PHACTR1: variants seen among roughly 807,000 people sequenced by gnomAD.
PHACTR1 encodes phosphatase and actin regulator 1, also known as RPEL repeat containing 1.
Under a neutral mutation model 69.2 loss-of-function variants are expected in PHACTR1, and 16 were observed. That is an observed-to-expected ratio of 0.23 (90% CI 0.16 to 0.35). PHACTR1 has a LOEUF of 0.35. Among genes scored for constraint, PHACTR1 ranks in the 10% least tolerant of loss-of-function variants. The pLI, the probability that PHACTR1 is intolerant of heterozygous loss-of-function variation, is 1.00. For synonymous variants in PHACTR1, 312 were observed against 284.5 expected, an observed-to-expected ratio of 1.10 and a Z score of -0.97; for missense variants, 510 against 734.7, an observed-to-expected ratio of 0.69 and a Z score of 3.54.
intron 4 of PHACTR1, among the ~76,000 whole-genome samples, chr6:12,885,794 A>C (rs1271542201): frequency 6.6e-6 from 1 of 152,168 alleles, no homozygotes; most frequent in African/African-American, 2.4e-5. Context: ...ACAATTGTCC[A>C]TTTAAACCCT....
chr6:13,145,168 T>G (rs539678848), intron 5 of PHACTR1, among the ~76,000 whole-genome samples: 1 of 152,348 alleles, frequency 6.6e-6, no homozygotes, highest in East Asian at 1.9e-4. Flanking sequence ...GGCATCAGAA[T>G]CAACAGAAAA....
chr6:12,818,059 G>A (rs186061980), intron 4 of PHACTR1, among the ~76,000 whole-genome samples: 17 of 152,182 alleles, frequency 1.1e-4, no homozygotes, highest in East Asian at 9.7e-4. Flanking sequence ...TCCTGACCTC[G>A]TGATCCACCT....
At chr6:13,147,679 T>TA (rs1459538884) in intron 5 of PHACTR1, among the ~76,000 whole-genome samples, 2 of 152,200 alleles carry the variant, frequency 1.3e-5, no homozygotes, top group Admixed American at 6.5e-5. Context: ...TAACAGGAGT[T>TA]AGTTTACTGG....
intron 4 of PHACTR1, among the ~76,000 whole-genome samples, chr6:12,823,870 C>G (rs1481307612): frequency 6.6e-6 from 1 of 152,174 alleles, no homozygotes; most frequent in East Asian, 1.9e-4. Flanking sequence ...TTCACTGCTT[C>G]TTTGGGGTGT....
intron 4 of PHACTR1, among the ~76,000 whole-genome samples, chr6:12,807,460 C>T (rs1774473873): frequency 6.6e-6 from 1 of 152,002 alleles, no homozygotes; most frequent in Non-Finnish European, 1.5e-5. Flanking sequence ...GGAGTTGATT[C>T]TCCATGTTAA....
intron 12 of PHACTR1, chr6:13,281,027 C>G (rs1290513199): frequency 7.8e-7 from 1 of 1,289,586 alleles, no homozygotes; most frequent in South Asian, 1.2e-5. Flanking sequence ...CTCGCTCATT[C>G]CCTCTGAGCA....
At chr6:13,279,054 CT>C (rs200389514) in intron 12 of PHACTR1, among the ~76,000 whole-genome samples, 2,361 of 149,252 alleles carry the variant, frequency 0.016, 74 homozygotes, top group African/African-American at 0.054. Flanking sequence ...TTTGCTCCCC[CT>C]GACACTATTC....
intron 11 of PHACTR1, among the ~76,000 whole-genome samples, chr6:13,277,851 G>A (rs972410758): frequency 2.0e-5 from 3 of 151,704 alleles, no homozygotes; most frequent in South Asian, 2.1e-4. Context: ...TTGGGAGGCC[G>A]AAGTAGGAGA....
intron 4 of PHACTR1, among the ~76,000 whole-genome samples, chr6:12,993,587 C>T (rs1386069129): frequency 2.0e-5 from 3 of 152,260 alleles, no homozygotes; most frequent in East Asian, 1.9e-4. Context: ...GAAGCCTCCT[C>T]GAAGTCCTGC....
intron 6 of PHACTR1, 88 bp from the exon 7 acceptor site, chr6:13,182,431 A>T: frequency 7.1e-7 from 1 of 1,401,890 alleles, no homozygotes; most frequent in Non-Finnish European, 1.0e-6. Flanking sequence ...ATTGTTCAGC[A>T]GCATCTAGAC....
At chr6:12,954,551 A>G (rs1463925369) in intron 4 of PHACTR1, among the ~76,000 whole-genome samples, 1 of 152,032 alleles carries the variant, frequency 6.6e-6, no homozygotes, top group African/African-American at 2.4e-5. Flanking sequence ...GGAAATGGGC[A>G]GAGAGAGAGG....
chr6:12,938,896 G>A (rs141037419), intron 4 of PHACTR1, among the ~76,000 whole-genome samples: 205 of 152,118 alleles, frequency 1.3e-3, no homozygotes, highest in East Asian at 7.0e-3. Context: ...CAGTTCATGC[G>A]TTTTTAATCA....
intron 4 of PHACTR1, among the ~76,000 whole-genome samples, chr6:13,034,023 CT>C (rs9331376): frequency 0.17 from 24,644 of 148,886 alleles, 2,427 homozygotes; most frequent in South Asian, 0.26. Flanking sequence ...TTTCTTTTTT[CT>C]TTTTTTTTTT....
intron 4 of PHACTR1, among the ~76,000 whole-genome samples, chr6:12,929,730 T>G (rs1788663852): frequency 6.6e-6 from 1 of 152,212 alleles, no homozygotes; most frequent in Non-Finnish European, 1.5e-5. Flanking sequence ...TACCTTGGTT[T>G]AGAAAAATGC....
intron 3 of PHACTR1, among the ~76,000 whole-genome samples, chr6:12,748,736 T>C (rs1442720958): frequency 6.6e-6 from 1 of 152,192 alleles, no homozygotes; most frequent in Non-Finnish European, 1.5e-5. Context: ...AACACTATTA[T>C]TTGTGACCAA....
chr6:13,260,587 A>G (rs1775779295), intron 10 of PHACTR1, among the ~76,000 whole-genome samples: 1 of 152,150 alleles, frequency 6.6e-6, no homozygotes, highest in Admixed American at 6.5e-5. Context: ...CATCGCACAG[A>G]GATGAAAAAG....
At chr6:12,858,618 C>T (rs549619498) in intron 4 of PHACTR1, among the ~76,000 whole-genome samples, 2 of 151,974 alleles carry the variant, frequency 1.3e-5, no homozygotes, top group African/African-American at 4.8e-5. Context: ...CATAGTGAGA[C>T]CCCCATCTCT....
intron 4 of PHACTR1, among the ~76,000 whole-genome samples, chr6:12,844,050 T>C (rs1468291499): frequency 4.6e-5 from 7 of 152,186 alleles, no homozygotes; most frequent in Non-Finnish European, 7.4e-5. Context: ...TATTTCTTAG[T>C]TGGTGTCTCT....
At chr6:13,194,758 A>G (rs914109704) in intron 7 of PHACTR1, among the ~76,000 whole-genome samples, 3 of 152,244 alleles carry the variant, frequency 2.0e-5, no homozygotes. Flanking sequence ...ATGTCATCCC[A>G]TGAATATCTA....
Sources: allele counts gnomAD v4.1 joint callset (sites outside exome capture counted in the v4.1 genomes callset), GRCh38; gene constraint gnomAD v4.1.1; transcripts MANE v1.5; gene names NCBI Gene and HGNC (gene_info 2026-07-23, HGNC 2026-07-21).